WDHD1: variants seen among roughly 807,000 people sequenced by gnomAD.
The protein encoded by WDHD1 is WD repeat and HMG-box DNA binding protein 1, also known as WD repeat and HMG-box DNA-binding protein 1.
WDHD1 carries 111 observed loss-of-function variants against 135.4 expected under a neutral mutation model. The observed-to-expected ratio is 0.82, with a 90% confidence interval of 0.70 to 0.96. WDHD1 has a LOEUF of 0.96. Among genes scored for constraint, WDHD1 ranks in the 40% least tolerant of loss-of-function variants. WDHD1 has a pLI of 0.00. For synonymous variants in WDHD1, 434 were observed against 439.0 expected, an observed-to-expected ratio of 0.99 and a Z score of 0.14; for missense variants, 1,351 against 1,336.3, an observed-to-expected ratio of 1.01 and a Z score of -0.17.
intron 16 of WDHD1, among the ~76,000 whole-genome samples, chr14:54,981,263 A>G (rs997764121): frequency 6.6e-6 from 1 of 152,190 alleles, no homozygotes. Context: ...AGACAGTAAT[A>G]AAAGGTGAAA....
intron 18 of WDHD1, among the ~76,000 whole-genome samples, chr14:54,965,138 C>T (rs1034765743): frequency 1.3e-5 from 2 of 152,220 alleles, no homozygotes; most frequent in East Asian, 1.9e-4. Flanking sequence ...GGACCATTCA[C>T]TCTTGTCAAC....
At chr14:55,016,622 C>T (rs1439301456) in intron 2 of WDHD1, among the ~76,000 whole-genome samples, 1 of 152,212 alleles carries the variant, frequency 6.6e-6, no homozygotes, top group Non-Finnish European at 1.5e-5. Context: ...AAACAACTTT[C>T]TGAGGTGATG....
In WDHD1 at chr14:54,956,560, C is replaced by T. The variant is rs1566709383; in HGVS notation, c.2916+474G>A. On this transcript the variant is annotated intron_variant, in intron 23 of 25. Coordinates refer to ENST00000360586, the MANE Select transcript of WDHD1 (RefSeq NM_007086.4). ...GGCTGAGGCATGAGAATTGCTTGAA[C>T]CCAGGAGACAGAGGCTGCAGTGAGC... Among the ~76,000 whole-genome samples the T allele has an allele frequency of 3.3e-5, 5 of 152,010 alleles. No individual in the cohort carries two copies. The South Asian group carries it at 1.0e-3, about 32-fold the overall frequency.
chr14:54,948,058 A>G (rs2040962191), intron 24 of WDHD1, among the ~76,000 whole-genome samples: 1 of 151,916 alleles, frequency 6.6e-6, no homozygotes, highest in Admixed American at 6.5e-5. Flanking sequence ...TCTACTAAAG[A>G]TACAAAATTA....
chr14:54,972,602 C>G (rs1451106841), intron 16 of WDHD1, among the ~76,000 whole-genome samples: 2 of 107,868 alleles, frequency 1.9e-5, no homozygotes, highest in African/African-American at 3.2e-5. Context: ...GCCAATGAGG[C>G]ATATTCACTT....
chr14:54,959,595 T>C (rs2041216491), intron 21 of WDHD1, among the ~76,000 whole-genome samples: 1 of 152,028 alleles, frequency 6.6e-6, no homozygotes, highest in Non-Finnish European at 1.5e-5. Flanking sequence ...AGCTCCTCTC[T>C]CTACAAAAAG....
In WDHD1 at chr14:54,939,515, T is replaced by C. The variant is rs1408008401; in HGVS notation, c.*1975A>G. On this transcript the variant is annotated 3_prime_UTR_variant, in exon 26 of 26. Transcript: ENST00000360586. Reference sequence around the variant, plus strand: ...CAATAAGCTCAAGTAGGCAATATTATTGATATGATGATGATTAATAATTAA... The same window carrying C: ...CAATAAGCTCAAGTAGGCAATATTACTGATATGATGATGATTAATAATTAA... 5.9e-5 allele frequency: 9 copies of C among 152,084 alleles called. No homozygotes were observed. Among genetic ancestry groups the C allele is most frequent in the African/African-American group, 2.2e-4 (9 of 41,394 alleles). 9.4% of individuals were successfully genotyped at this position (152,084 alleles called of 1,614,324 possible).
rs148760238 is a variant in WDHD1 at position 54,981,893 on chromosome 14, C to T, written c.1907-197G>A. Among the ~76,000 whole-genome samples the T allele has an allele frequency of 2.8e-3, 427 of 151,982 alleles. 14 individuals carry two copies. In the South Asian group the frequency reaches 0.045, roughly 16 times the overall value. ...AAGACCTAACTAAAAAAAGAAAAAA[C>T]ATTGGATTTGATATGACTAAAATTT... is the stretch of plus-strand genomic sequence containing the variant. On this transcript the variant is annotated intron_variant, in intron 15 of 25. Coordinates refer to ENST00000360586, the MANE Select transcript of WDHD1 (RefSeq NM_007086.4).
chr14:55,005,399 G>C (rs2042048777), intron 7 of WDHD1: 1 of 568,502 alleles, frequency 1.8e-6, no homozygotes, highest in Admixed American at 1.9e-5. Context: ...AGCAACTGGA[G>C]TGACTCCAGT....
chr14:54,978,090 A>C (rs2041556931), intron 16 of WDHD1, among the ~76,000 whole-genome samples: 1 of 152,220 alleles, frequency 6.6e-6, no homozygotes, highest in African/African-American at 2.4e-5. Flanking sequence ...CTCTAAGATA[A>C]TGACATTCAC....
intron 7 of WDHD1, among the ~76,000 whole-genome samples, chr14:55,004,222 G>C (rs1223023838): frequency 6.6e-6 from 1 of 152,074 alleles, no homozygotes; most frequent in Non-Finnish European, 1.5e-5. Context: ...ATATCCTTGT[G>C]CTAATACATT....
Position 54,987,384 on chromosome 14 carries a change from C to T in WDHD1, c.1530G>A (p.Lys510=). 6.2e-7 allele frequency: 1 copy of T among 1,609,208 alleles called. No homozygotes were observed. Among genetic ancestry groups the T allele is most frequent in the Non-Finnish European group, 8.5e-7 (1 of 1,178,008 alleles). Residue 510 remains lysine (K), a synonymous_variant, in exon 14 of 26, where the codon AAG becomes AAA. Coordinates refer to ENST00000360586, the MANE Select transcript of WDHD1 (RefSeq NM_007086.4). Reference sequence around the variant, plus strand: ...AAGAACTAAAGTGCAGGCAGTGAAGCTTGCTAAAAATTAAAACAAGACAGA... The same window carrying T: ...AAGAACTAAAGTGCAGGCAGTGAAGTTTGCTAAAAATTAAAACAAGACAGA... ...ACESTDELAS[K]LHCLHFSSWD...
At position 54,946,056 on chromosome 14, in the gene WDHD1, A is replaced by T. The variant is rs150775376; in HGVS notation, c.3051-1586T>A. 1.1e-3 allele frequency among the ~76,000 whole-genome samples: 172 copies of T among 152,344 alleles called. 1 individual carries two copies. The highest frequency in any genetic ancestry group is 3.9e-3 in the African/African-American group (164 of 41,586). On this transcript the variant is annotated intron_variant, in intron 24 of 25. Transcript: ENST00000360586. ...CAGAAAAATAACAGAACAAATCAAAACAAGTAAAAATCAAGGTATAACAAA... is the reference window on the plus strand; with the variant it reads ...CAGAAAAATAACAGAACAAATCAAATCAAGTAAAAATCAAGGTATAACAAA...
intron 14 of WDHD1, among the ~76,000 whole-genome samples, chr14:54,986,518 C>G (rs2041697262): frequency 6.6e-6 from 1 of 151,798 alleles, no homozygotes; most frequent in Non-Finnish European, 1.5e-5. Context: ...TGTGGCAAAG[C>G]AGACAAAAAG....
At chr14:54,952,655 A>G (rs1167663731) in intron 24 of WDHD1, among the ~76,000 whole-genome samples, 1 of 152,214 alleles carries the variant, frequency 6.6e-6, no homozygotes, top group Non-Finnish European at 1.5e-5. Flanking sequence ...TAAAGTTCAT[A>G]TGGAACCAAA....
chr14:55,024,593 T>C (rs1031098919), intron 2 of WDHD1, among the ~76,000 whole-genome samples: 6 of 152,084 alleles, frequency 3.9e-5, no homozygotes, highest in Non-Finnish European at 8.8e-5. Flanking sequence ...TGTGTCTGTG[T>C]AGAAAGAAGT....
chr14:54,994,345 C>G (rs2041842607), intron 11 of WDHD1, among the ~76,000 whole-genome samples: 1 of 151,994 alleles, frequency 6.6e-6, no homozygotes, highest in Admixed American at 6.6e-5. Flanking sequence ...GCCATTATGC[C>G]TTTGATATTA....
chr14:54,941,787 A>G lies in WDHD1; in HGVS notation c.3190-97T>C, dbSNP rs2040843204. 10 of 1,057,058 alleles carry G rather than the reference A, an allele frequency of 9.5e-6. No homozygotes were observed. In the South Asian group the frequency reaches 1.7e-4, roughly 18 times the overall value. The allele number at this position is 1,057,058 out of a possible 1,614,324, so 65.5% of individuals were successfully genotyped here. On this transcript the variant is annotated intron_variant, in intron 25 of 25. Transcript: ENST00000360586. Reference sequence around the variant, plus strand: ...ACTTTTCCAGGTAATATTTTTATATATAAAGCAGAATAATTAGCACTTGAA... The same window carrying G: ...ACTTTTCCAGGTAATATTTTTATATGTAAAGCAGAATAATTAGCACTTGAA...
At chr14:54,949,878 A>G (rs2140152449) in intron 24 of WDHD1, among the ~76,000 whole-genome samples, 1 of 152,344 alleles carries the variant, frequency 6.6e-6, no homozygotes, top group Non-Finnish European at 1.5e-5. Flanking sequence ...TCAGAATTTC[A>G]TATCCAGCCA....
Sources: gnomAD v4.1 joint callset for allele counts (sites outside exome capture counted in the v4.1 genomes callset) on GRCh38, gnomAD v4.1.1 for gene constraint, MANE v1.5 for transcripts, NCBI Gene and HGNC (gene_info 2026-07-23, HGNC 2026-07-21) for gene names.